PRH1: variants seen among roughly 807,000 people sequenced by gnomAD.
PRH1 encodes salivary acidic proline-rich phosphoprotein 1/2.
Under a neutral mutation model 7.9 loss-of-function variants are expected in PRH1, and 7 were observed. That is an observed-to-expected ratio of 0.89 (90% confidence interval 0.50 to 1.67). The LOEUF (loss-of-function observed/expected upper bound fraction) is 1.67, where lower values mean the gene tolerates loss of function less well. Ranked by LOEUF, PRH1 falls within the 40% of genes most tolerant of loss-of-function variation. PRH1 has a pLI of 0.00. For synonymous variants in PRH1, 45 were observed against 80.8 expected, an observed-to-expected ratio of 0.56 and a Z score of 2.38; for missense variants, 109 against 223.6, an observed-to-expected ratio of 0.49 and a Z score of 3.27.
intron 1 of PRH1, among the ~76,000 whole-genome samples, chr12:11,114,592 A>G (rs1219947975): frequency 6.6e-6 from 1 of 152,214 alleles, no homozygotes; most frequent in Non-Finnish European, 1.5e-5. Context: ...ACCATGGCAC[A>G]TGTACACCGA....
chr12:11,091,522 C>G (rs775689008), intron 1 of PRH1: 1 of 1,459,308 alleles, frequency 6.9e-7, no homozygotes, highest in Non-Finnish European at 9.5e-7. Flanking sequence ...TGGCACATAA[C>G]AAGAGGAAGG....
chr12:10,920,341 A>C (rs1950029019), intron 2 of PRH1, among the ~76,000 whole-genome samples: 1 of 152,148 alleles, frequency 6.6e-6, no homozygotes, highest in Non-Finnish European at 1.5e-5. Flanking sequence ...TTCTGGTTAG[A>C]ATTATATTGA....
intron 2 of PRH1, among the ~76,000 whole-genome samples, chr12:10,972,121 A>T (rs1010990254): frequency 3.9e-5 from 6 of 152,176 alleles, no homozygotes; most frequent in Non-Finnish European, 5.9e-5. Context: ...ACTCATACAA[A>T]GTGTTGAAAT....
At chr12:10,989,905 G>T (rs1463630339) in intron 1 of PRH1, among the ~76,000 whole-genome samples, 3 of 152,102 alleles carry the variant, frequency 2.0e-5, no homozygotes, top group Non-Finnish European at 4.4e-5. Flanking sequence ...CTACTTTTCA[G>T]ATTTTCGATT....
At chr12:11,064,275 A>G (rs1020948720) in intron 1 of PRH1, among the ~76,000 whole-genome samples, 9 of 152,180 alleles carry the variant, frequency 5.9e-5, no homozygotes, top group Non-Finnish European at 1.2e-4. Context: ...GCAATCCTAC[A>G]TGTTCTTCTT....
intron 1 of PRH1, among the ~76,000 whole-genome samples, chr12:11,127,878 G>A (rs1031302402): frequency 4.8e-5 from 7 of 146,466 alleles, no homozygotes; most frequent in Non-Finnish European, 9.1e-5. Context: ...AGGCCGAGGC[G>A]GGCTGATCAC....
At chr12:10,929,117 T>C in intron 2 of PRH1, 1 of 818,098 alleles carries the variant, frequency 1.2e-6, no homozygotes, top group Non-Finnish European at 2.0e-6. Flanking sequence ...AGGGATACAC[T>C]TGACCTGAAG....
intron 2 of PRH1, among the ~76,000 whole-genome samples, chr12:10,911,532 T>C (rs972790148): frequency 6.6e-6 from 1 of 152,110 alleles, no homozygotes; most frequent in Non-Finnish European, 1.5e-5. Flanking sequence ...GAGGAAACAA[T>C]GAAAGGTTTG....
At chr12:11,119,336 A>C (rs1945825486), downstream of PRH1, among the ~76,000 whole-genome samples, 1 of 151,860 alleles carries the variant, frequency 6.6e-6, no homozygotes, top group African/African-American at 2.4e-5. Context: ...AAATAGAAAG[A>C]GTGAATGAGA....
intron 1 of PRH1, among the ~76,000 whole-genome samples, chr12:11,102,647 C>T (rs568132496): frequency 1.3e-4 from 20 of 152,232 alleles, no homozygotes; most frequent in Middle Eastern, 3.4e-3. Context: ...GACTTCATGG[C>T]TAAAACACCA....
intron 2 of PRH1, among the ~76,000 whole-genome samples, chr12:10,933,658 A>AT (rs1950245429): frequency 6.6e-6 from 1 of 152,044 alleles, no homozygotes; most frequent in Non-Finnish European, 1.5e-5. Context: ...TATTTAATAT[A>AT]TTTTTTAAAA....
chr12:10,965,096 T>C (rs1938438646), intron 2 of PRH1: 2 of 1,293,164 alleles, frequency 1.5e-6, no homozygotes, highest in Non-Finnish European at 2.2e-6. Context: ...AGCCCAGGCA[T>C]TAATAGTAGT....
intron 2 of PRH1, chr12:10,964,646 A>G: frequency 3.7e-6 from 2 of 539,568 alleles, no homozygotes; most frequent in Non-Finnish European, 6.7e-6. Flanking sequence ...AGCAAATAAC[A>G]AGAGGAAGGA....
chr12:11,024,212 A>G (rs925564612), intron 1 of PRH1, among the ~76,000 whole-genome samples: 3 of 152,358 alleles, frequency 2.0e-5, no homozygotes, highest in Middle Eastern at 3.4e-3. Context: ...ATTTTCATGG[A>G]CCATTTCTCC....
At chr12:11,094,403 G>C (rs1327314289) in intron 1 of PRH1, among the ~76,000 whole-genome samples, 1 of 111,156 alleles carries the variant, frequency 9.0e-6, no homozygotes, top group African/African-American at 3.0e-5. Context: ...AAACATAACT[G>C]ATAAAAGAAC....
chr12:11,003,933 T>C lies in PRH1; in HGVS notation c.-125-30212A>G, dbSNP rs551661160. Among the ~76,000 whole-genome samples, 58 of 152,232 alleles carry C rather than the reference T, an allele frequency of 3.8e-4. No homozygotes were observed. The Middle Eastern group carries it at 0.01, about 27-fold the overall frequency. ...TTCTGTAAGTATGTCATAATTTATT[T>C]ATCCATTTTATTACTGATGGTCATT... On this transcript the variant is annotated intron_variant, in intron 1 of 3. Coordinates refer to the PRH1 transcript ENST00000539853.
intron 1 of PRH1, among the ~76,000 whole-genome samples, chr12:10,989,740 A>G (rs1258467581): frequency 6.6e-6 from 1 of 152,204 alleles, no homozygotes; most frequent in Non-Finnish European, 1.5e-5. Flanking sequence ...TTTATCTAAA[A>G]AATATTCTTT....
intron 1 of PRH1, among the ~76,000 whole-genome samples, chr12:11,064,689 G>C (rs1242077255): frequency 6.6e-6 from 1 of 152,060 alleles, no homozygotes; most frequent in Non-Finnish European, 1.5e-5. Flanking sequence ...ATTTTATGCA[G>C]TAAACATTCA....
intron 2 of PRH1, among the ~76,000 whole-genome samples, chr12:10,927,996 G>C (rs1950147176): frequency 6.6e-6 from 1 of 152,202 alleles, no homozygotes; most frequent in Middle Eastern, 3.4e-3. Context: ...CAATTGTAGA[G>C]ACAAAAATGA....
Sources: allele counts gnomAD v4.1 joint callset (sites outside exome capture counted in the v4.1 genomes callset), GRCh38; gene constraint gnomAD v4.1.1; transcripts MANE v1.5; gene names NCBI Gene and HGNC (gene_info 2026-07-23, HGNC 2026-07-21).